Variants in PIK3C2G observed in about 807,000 individuals in gnomAD.
PIK3C2G encodes the protein phosphatidylinositol-4-phosphate 3-kinase catalytic subunit type 2 gamma, also known as phosphatidylinositol 3-kinase C2 domain-containing subunit gamma.
A neutral mutation model predicts 181.1 loss-of-function variants in PIK3C2G; 168 were observed. The observed-to-expected ratio is 0.93, with a 90% CI of 0.82 to 1.05. PIK3C2G has a LOEUF of 1.05. Ranked by LOEUF, PIK3C2G falls within the 50% of genes least tolerant of loss-of-function variation. PIK3C2G has a pLI of 0.00. For synonymous variants in PIK3C2G, 573 were observed against 592.2 expected (o/e 0.97, Z 0.47); for missense variants, 1,869 against 1,732.8 (o/e 1.08, Z -1.40).
At chr12:18,573,938 C>T (rs1946103516) in intron 29 of PIK3C2G, among the ~76,000 whole-genome samples, 1 of 152,164 alleles carries the variant, frequency 6.6e-6, no homozygotes, top group Non-Finnish European at 1.5e-5. Flanking sequence ...AAGGGAAATG[C>T]TAAACCCTAA....
intron 5 of PIK3C2G, among the ~76,000 whole-genome samples, chr12:18,313,404 A>G (rs1565586884): frequency 6.6e-6 from 1 of 152,154 alleles, no homozygotes; most frequent in Non-Finnish European, 1.5e-5. Flanking sequence ...TTCCAACTCT[A>G]AAAGAGAAAA....
chr12:18,553,691 A>T (rs1231698637), intron 26 of PIK3C2G, among the ~76,000 whole-genome samples: 2 of 152,126 alleles, frequency 1.3e-5, no homozygotes, highest in African/African-American at 4.8e-5. Context: ...AAAATAAGAA[A>T]ATAAACACTA....
At chr12:18,600,260 A>G (rs937089129) in intron 30 of PIK3C2G, among the ~76,000 whole-genome samples, 1 of 152,006 alleles carries the variant, frequency 6.6e-6, no homozygotes, top group Admixed American at 6.5e-5. Flanking sequence ...GGAAATTTTC[A>G]GAAAACTAGA....
the PIK3C2G span, among the ~76,000 whole-genome samples, chr12:18,724,268 C>A: frequency 6.6e-6 from 1 of 151,948 alleles, no homozygotes; most frequent in Non-Finnish European, 1.5e-5. Flanking sequence ...AAAGAACAGA[C>A]CTCGGTGAAA....
chr12:18,551,325 G>A (rs1174607220), intron 26 of PIK3C2G, among the ~76,000 whole-genome samples: 2 of 152,006 alleles, frequency 1.3e-5, no homozygotes, highest in African/African-American at 4.8e-5. Flanking sequence ...GTCCAAAAGG[G>A]TTATTTCAGA....
At chr12:18,318,861 G>A (rs1050714110) in intron 6 of PIK3C2G, among the ~76,000 whole-genome samples, 1 of 150,910 alleles carries the variant, frequency 6.6e-6, no homozygotes, top group Non-Finnish European at 1.5e-5. Context: ...TTGGGAGGCC[G>A]AGGTGGGCAG....
chr12:18,440,638 G>A (rs888938256), intron 18 of PIK3C2G, among the ~76,000 whole-genome samples: 6 of 152,064 alleles, frequency 3.9e-5, no homozygotes, highest in African/African-American at 1.2e-4. Flanking sequence ...TTGGGGTGTT[G>A]GGAGGACAAC....
the PIK3C2G span, chr12:18,692,871 A>G: frequency 6.2e-7 from 1 of 1,602,342 alleles, no homozygotes; most frequent in Non-Finnish European, 8.5e-7. Context: ...TGTACCAACT[A>G]CAGTGGGGAA....
chr12:18,575,150 T>C (rs1946166658), intron 29 of PIK3C2G, among the ~76,000 whole-genome samples: 1 of 152,116 alleles, frequency 6.6e-6, no homozygotes, highest in Non-Finnish European at 1.5e-5. Context: ...TTAGATTGCA[T>C]ATAGTCAGGA....
At chr12:18,458,369 A>G (rs1947739812) in intron 18 of PIK3C2G, among the ~76,000 whole-genome samples, 2 of 152,188 alleles carry the variant, frequency 1.3e-5, no homozygotes, top group African/African-American at 2.4e-5. Flanking sequence ...TTAAAACATG[A>G]AGAAAAAGTA....
chr12:18,555,168 T>A (rs999132033), intron 26 of PIK3C2G, among the ~76,000 whole-genome samples: 7 of 152,142 alleles, frequency 4.6e-5, no homozygotes, highest in Non-Finnish European at 8.8e-5. Flanking sequence ...CTGCCAAATA[T>A]ATGAACAATT....
chr12:18,565,995 T>C (rs530495456), intron 28 of PIK3C2G, among the ~76,000 whole-genome samples: 57 of 152,304 alleles, frequency 3.7e-4, no homozygotes, highest in Non-Finnish European at 6.2e-4. Context: ...ATTGATTGTA[T>C]ACTGGTACTA....
Position 18,407,354 on chromosome 12 carries a change from AAT to A in PIK3C2G, c.2315+7512_2315+7513del, listed in dbSNP as rs1944595362. On this transcript the variant is annotated intron_variant, in intron 16 of 32. Transcript: ENST00000538779. ...GGACATAATTTACAAAGCATTTCACAATATATGACTTGAAATACAGAAAAACC... is the reference window on the plus strand; with the variant it reads ...GGACATAATTTACAAAGCATTTCACAATATGACTTGAAATACAGAAAAACC... 2.0e-5 allele frequency among the ~76,000 whole-genome samples: 3 copies of A among 152,284 alleles called. No homozygotes were observed. The South Asian group carries it at 6.2e-4, about 32-fold the overall frequency.
At chr12:18,503,068 T>A (rs181452664) in intron 22 of PIK3C2G, among the ~76,000 whole-genome samples, 13 of 152,300 alleles carry the variant, frequency 8.5e-5, no homozygotes, top group African/African-American at 3.1e-4. Context: ...TGCTTCTGAT[T>A]AATCCGATCC....
intron 24 of PIK3C2G, 107 bp from the exon 25 acceptor site, chr12:18,538,049 G>GA (rs905650131): frequency 0.016 from 13,942 of 887,452 alleles, no homozygotes; most frequent in Non-Finnish European, 0.018. Flanking sequence ...TTACAGTAGA[G>GA]AAAAAAAAAA....
At position 18,566,956 on chromosome 12, in the gene PIK3C2G, C is replaced by T; in HGVS notation, c.3910C>T (p.His1304Tyr). 1 of 1,573,424 alleles carries T rather than the reference C, an allele frequency of 6.4e-7. No individual in the cohort carries two copies. Among genetic ancestry groups the T allele is most frequent in the Non-Finnish European group, 8.7e-7 (1 of 1,144,710 alleles). Residue 1304 changes from histidine to tyrosine, a missense_variant, in exon 29 of 33, where the codon CAT (histidine) becomes TAT (tyrosine). His to Tyr is a moderately conservative substitution (Grantham distance 83). Coordinates refer to ENST00000538779, the MANE Select transcript of PIK3C2G (RefSeq NM_001288772.2). ...TTTTTTCTCTTAAAACAGGTTTCCTCATTGGTGGCACCTACCTTTTACAAA... is the reference window on the plus strand; with the variant it reads ...TTTTTTCTCTTAAAACAGGTTTCCTTATTGGTGGCACCTACCTTTTACAAA... ...FASLTLPEFP[H>Y]WWHLPFTNSD...
At position 18,321,003 on chromosome 12, in the gene PIK3C2G, A is replaced by G. The variant is rs759821502; in HGVS notation, c.1179A>G (p.Leu393=). The change falls in exon 7 of 33, where the codon CTA becomes CTG. Residue 393 remains leucine, a synonymous_variant. Coordinates refer to ENST00000538779, the MANE Select transcript of PIK3C2G (RefSeq NM_001288772.2). ...DHSQFYLNQL[L]EFMHIWKVSR... is the part of the protein sequence containing the mutation. Reference sequence around the variant, plus strand: ...GTCAGTTTTATCTGAATCAACTTCTAGAATTTATGCATATTTGGAAAGTAT... The same window carrying G: ...GTCAGTTTTATCTGAATCAACTTCTGGAATTTATGCATATTTGGAAAGTAT... The G allele has an allele frequency of 1.9e-6, 3 of 1,567,440 alleles. No individual in the cohort carries two copies. The Admixed American group carries it at 5.1e-5, about 27-fold the overall frequency.
At chr12:18,326,177 G>C (rs181010445) in intron 8 of PIK3C2G, among the ~76,000 whole-genome samples, 13 of 152,264 alleles carry the variant, frequency 8.5e-5, no homozygotes, top group Non-Finnish European at 1.3e-4. Context: ...AGAGAAGGTA[G>C]CATGGCAGAG....
At chr12:18,498,949 C>T (rs1941218201) in intron 22 of PIK3C2G, among the ~76,000 whole-genome samples, 1 of 152,182 alleles carries the variant, frequency 6.6e-6, no homozygotes, top group Non-Finnish European at 1.5e-5. Flanking sequence ...GCTTTCCTAT[C>T]CTAAAATGCT....
Sources: gnomAD v4.1 joint callset for allele counts (sites outside exome capture counted in the v4.1 genomes callset) on GRCh38, gnomAD v4.1.1 for gene constraint, MANE v1.5 for transcripts, NCBI Gene and HGNC (gene_info 2026-07-23, HGNC 2026-07-21) for gene names.